The following ATP2B2 variants were observed in gnomAD, a reference collection of about 807,000 sequenced individuals.
ATP2B2 encodes the protein plasma membrane calcium-transporting ATPase 2.
A neutral mutation model predicts 120.0 loss-of-function variants in ATP2B2; 15 were observed. The observed-to-expected ratio is 0.12, with a 90% CI of 0.08 to 0.19. ATP2B2 has a LOEUF of 0.19. Ranked by LOEUF, ATP2B2 falls within the 10% of genes least tolerant of loss-of-function variation. ATP2B2 has a pLI of 1.00. For missense variants in ATP2B2, 1,045 were observed against 1,719.8 expected (o/e 0.61, Z 6.94); for synonymous variants, 694 against 700.3 (o/e 0.99, Z 0.14).
intron 1 of ATP2B2, among the ~76,000 whole-genome samples, chr3:10,651,030 C>T (rs1041515904): frequency 6.6e-6 from 1 of 152,220 alleles, no homozygotes; most frequent in African/African-American, 2.4e-5. Context: ...TTTGGAATGG[C>T]TGTAGTTACC....
intron 1 of ATP2B2, among the ~76,000 whole-genome samples, chr3:10,664,955 G>A (rs2070889301): frequency 6.6e-6 from 1 of 152,076 alleles, no homozygotes; most frequent in African/African-American, 2.4e-5. Context: ...CAATGTCAAA[G>A]GTGCTCTCAG....
chr3:10,376,159 C>T (rs1372828458), intron 10 of ATP2B2, among the ~76,000 whole-genome samples: 1 of 152,134 alleles, frequency 6.6e-6, no homozygotes, highest in African/African-American at 2.4e-5. Context: ...ACAAGAGTTC[C>T]TGCCCTTGAG....
At chr3:10,642,696 A>AG (rs2070207363) in intron 1 of ATP2B2, among the ~76,000 whole-genome samples, 1 of 152,066 alleles carries the variant, frequency 6.6e-6, no homozygotes, top group African/African-American at 2.4e-5. Flanking sequence ...TAAAAAAAAA[A>AG]AAAAGGTACG....
chr3:10,640,679 A>G (rs1459114691), intron 1 of ATP2B2, among the ~76,000 whole-genome samples: 2 of 151,236 alleles, frequency 1.3e-5, no homozygotes, highest in Admixed American at 1.3e-4. Context: ...GAAGGCTGTG[A>G]TGTCCTCACC....
intron 1 of ATP2B2, among the ~76,000 whole-genome samples, chr3:10,699,490 C>T (rs2071786330): frequency 6.6e-6 from 1 of 152,158 alleles, no homozygotes; most frequent in Non-Finnish European, 1.5e-5. Context: ...TCTGGAAGGA[C>T]ATTTGACAAA....
At chr3:10,508,909 G>A (rs1032313478), upstream of ATP2B2, among the ~76,000 whole-genome samples, 5 of 152,216 alleles carry the variant, frequency 3.3e-5, no homozygotes, top group Admixed American at 6.5e-5. Context: ...GGTGGACACC[G>A]ATTGAGAGTC....
At chr3:10,614,195 G>T (rs2069319116) in intron 2 of ATP2B2, among the ~76,000 whole-genome samples, 1 of 151,976 alleles carries the variant, frequency 6.6e-6, no homozygotes. Flanking sequence ...GCTCCCTGAA[G>T]GCAGGAACCA....
chr3:10,364,453 G>A (rs1449476485), intron 12 of ATP2B2, among the ~76,000 whole-genome samples: 1 of 152,184 alleles, frequency 6.6e-6, no homozygotes, highest in Admixed American at 6.5e-5. Context: ...GCTCACATCT[G>A]TAATCCCAGC....
At chr3:10,464,080 G>C (rs1231611930) in intron 1 of ATP2B2, among the ~76,000 whole-genome samples, 2 of 152,194 alleles carry the variant, frequency 1.3e-5, no homozygotes, top group African/African-American at 4.8e-5. Context: ...CCTGGCTGAA[G>C]TGTGACCATG....
At chr3:10,611,727 T>C (rs1575556682) in intron 2 of ATP2B2, among the ~76,000 whole-genome samples, 1 of 152,158 alleles carries the variant, frequency 6.6e-6, no homozygotes, top group Admixed American at 6.5e-5. Context: ...ACTTTGCCTA[T>C]AGACATCCTT....
intron 1 of ATP2B2, among the ~76,000 whole-genome samples, chr3:10,488,577 T>C (rs1359127183): frequency 2.0e-5 from 3 of 151,808 alleles, no homozygotes; most frequent in Admixed American, 1.3e-4. Context: ...GGTTCAATAT[T>C]TACTGTGTGC....
intron 2 of ATP2B2, among the ~76,000 whole-genome samples, chr3:10,574,210 C>T (rs568393880): frequency 1.4e-4 from 22 of 152,274 alleles, no homozygotes; most frequent in African/African-American, 4.1e-4. Context: ...TGCCTCCCTC[C>T]GATGCCCGCT....
intron 2 of ATP2B2, among the ~76,000 whole-genome samples, chr3:10,584,949 G>A (rs150311037): frequency 6.6e-6 from 1 of 152,128 alleles, no homozygotes; most frequent in Non-Finnish European, 1.5e-5. Context: ...GTTTCTGCAT[G>A]CCTTGCACCC....
intron 1 of ATP2B2, among the ~76,000 whole-genome samples, chr3:10,503,721 A>G (rs1048748021): frequency 2.0e-5 from 3 of 152,268 alleles, no homozygotes; most frequent in African/African-American, 4.8e-5. Flanking sequence ...ATGCACGGGC[A>G]GGCACGCAGA....
At chr3:10,350,907 A>G (rs776249587) in intron 14 of ATP2B2, among the ~76,000 whole-genome samples, 3 of 152,200 alleles carry the variant, frequency 2.0e-5, no homozygotes, top group Non-Finnish European at 4.4e-5. Context: ...CTTTGGAAAG[A>G]CTTCCATGAA....
chr3:10,576,661 T>C (rs1433042497), intron 2 of ATP2B2, among the ~76,000 whole-genome samples: 1 of 150,786 alleles, frequency 6.6e-6, no homozygotes, highest in Non-Finnish European at 1.5e-5. Flanking sequence ...ATTACAGCCA[T>C]GAGCCACCAC....
intron 1 of ATP2B2, among the ~76,000 whole-genome samples, chr3:10,486,330 T>TGC (rs138585062): frequency 0.38 from 56,995 of 148,882 alleles, 12,797 homozygotes; most frequent in Non-Finnish European, 0.51. Context: ...CGTGCGTGTG[T>TGC]GTGTGTGTGT....
At position 10,375,705 on chromosome 3, in the gene ATP2B2, G is replaced by C; in HGVS notation, c.1202-61C>G. 6.6e-7 allele frequency: 1 copy of C among 1,505,930 alleles called. No homozygotes were observed. The highest frequency in any genetic ancestry group is 1.1e-5 in the South Asian group (1 of 87,100). 93.3% of individuals were successfully genotyped at this position (1,505,930 alleles called of 1,614,324 possible). A position where few individuals can be genotyped will look rare whatever the true frequency, so the allele number is the denominator to read the frequency against. ...GGAAGTGGAGGCTGGGGGTGGTGTG[G>C]ACCAAATCTTTGGCTGAAAGAGCTC... is the stretch of plus-strand genomic sequence containing the variant. On this transcript the variant is annotated intron_variant, in intron 10 of 22. Transcript: ENST00000360273. The surrounding 1 kb of genome is among the most constrained non-coding windows in gnomAD (Gnocchi z 4.2).
intron 1 of ATP2B2, among the ~76,000 whole-genome samples, chr3:10,684,177 G>A (rs955372337): frequency 6.6e-6 from 1 of 152,148 alleles, no homozygotes; most frequent in Non-Finnish European, 1.5e-5. Context: ...CTAAAGGGAT[G>A]GCACATGACC....
Sources: gnomAD v4.1 joint callset for allele counts (sites outside exome capture counted in the v4.1 genomes callset) on GRCh38, gnomAD v4.1.1 for gene constraint, Gnocchi (gnomAD v3.1) non-coding constraint, MANE v1.5 for transcripts, NCBI Gene and HGNC (gene_info 2026-07-23, HGNC 2026-07-21) for gene names.